Variants in DPP10 observed in about 807,000 individuals in gnomAD.
The protein encoded by DPP10 is inactive dipeptidyl peptidase 10.
A neutral mutation model predicts 120.9 loss-of-function variants in DPP10; 33 were observed. The ratio of observed to expected loss-of-function variants is 0.27; its 90% CI spans 0.21 to 0.37. The LOEUF is 0.37. Ranked by LOEUF, DPP10 falls within the 10% of genes least tolerant of loss-of-function variation. The pLI is 1.00. For synonymous variants in DPP10, 337 were observed against 326.1 expected, an observed-to-expected ratio of 1.03 and a Z score of -0.36; for missense variants, 816 against 942.8, an observed-to-expected ratio of 0.87 and a Z score of 1.76.
intron 19 of DPP10, among the ~76,000 whole-genome samples, chr2:115,810,756 C>T (rs1369038556): frequency 6.6e-6 from 1 of 152,146 alleles, no homozygotes; most frequent in Non-Finnish European, 1.5e-5. Flanking sequence ...TGTATGTCCC[C>T]ACTCTCAACC....
At chr2:114,668,369 A>G (rs999107112) in intron 1 of DPP10, among the ~76,000 whole-genome samples, 1 of 152,104 alleles carries the variant, frequency 6.6e-6, no homozygotes. Flanking sequence ...AGAAAGAGAG[A>G]TCTTCCTCCA....
chr2:115,367,481 C>T (rs1458189068), intron 3 of DPP10, among the ~76,000 whole-genome samples: 2 of 151,994 alleles, frequency 1.3e-5, no homozygotes, highest in South Asian at 2.1e-4. Context: ...GTGACAAATA[C>T]AGCTAACCAG....
At chr2:114,663,658 T>TAGAGAG (rs1385374204) in intron 1 of DPP10, among the ~76,000 whole-genome samples, 60 of 91,220 alleles carry the variant, frequency 6.6e-4, no homozygotes, top group South Asian at 2.5e-3. Flanking sequence ...TATATATATA[T>TAGAGAG]ATATATATAT....
At chr2:115,776,520 G>T (rs577880604) in intron 13 of DPP10, among the ~76,000 whole-genome samples, 3 of 152,140 alleles carry the variant, frequency 2.0e-5, no homozygotes, top group African/African-American at 7.2e-5. Context: ...ATCATTGATG[G>T]GTATTTGGGT....
chr2:115,643,354 G>C (rs2086947307), intron 5 of DPP10, among the ~76,000 whole-genome samples: 1 of 152,156 alleles, frequency 6.6e-6, no homozygotes, highest in Non-Finnish European at 1.5e-5. Context: ...TCAAGTCATT[G>C]TATTTTACAG....
chr2:115,545,746 C>G (rs1297327580), intron 5 of DPP10, among the ~76,000 whole-genome samples: 1 of 152,076 alleles, frequency 6.6e-6, no homozygotes, highest in Non-Finnish European at 1.5e-5. Context: ...TCCTCACTGG[C>G]TCACAAAGAC....
chr2:114,867,110 GC>G (rs752849929), intron 1 of DPP10, among the ~76,000 whole-genome samples: 1 of 152,038 alleles, frequency 6.6e-6, no homozygotes, highest in Non-Finnish European at 1.5e-5. Flanking sequence ...CAAGATCTTT[GC>G]TTACTTCTGG....
intron 5 of DPP10, among the ~76,000 whole-genome samples, chr2:115,582,836 C>T: frequency 6.6e-6 from 1 of 152,262 alleles, no homozygotes; most frequent in East Asian, 1.9e-4. Context: ...CAGTTAATAT[C>T]ACTTATTCTC....
intron 1 of DPP10, among the ~76,000 whole-genome samples, chr2:114,703,091 C>A (rs1388450368): frequency 6.6e-6 from 1 of 151,908 alleles, no homozygotes; most frequent in African/African-American, 2.4e-5. Flanking sequence ...CATTGCATTG[C>A]CGGTGAGATT....
At chr2:115,646,360 C>T (rs1020523168) in intron 5 of DPP10, among the ~76,000 whole-genome samples, 2 of 152,042 alleles carry the variant, frequency 1.3e-5, no homozygotes, top group African/African-American at 4.8e-5. Context: ...TGAATGGGAA[C>T]ACAGCCTGAC....
intron 1 of DPP10, among the ~76,000 whole-genome samples, chr2:114,789,152 G>T (rs1252007871): frequency 2.7e-5 from 3 of 111,456 alleles, no homozygotes; most frequent in African/African-American, 1.1e-4. Context: ...AGACATCTGG[G>T]TTAAGCGCCA....
intron 1 of DPP10, among the ~76,000 whole-genome samples, chr2:114,734,689 T>G (rs917186467): frequency 1.3e-5 from 2 of 152,216 alleles, no homozygotes; most frequent in African/African-American, 4.8e-5. Context: ...TGACTCTTTT[T>G]GTCGGCAAAA....
chr2:114,679,487 G>A (rs1698883495), intron 1 of DPP10, among the ~76,000 whole-genome samples: 1 of 151,892 alleles, frequency 6.6e-6, no homozygotes, highest in Non-Finnish European at 1.5e-5. Flanking sequence ...AATCCAGGAG[G>A]TGAGTTGCCT....
At chr2:114,758,153 T>C (rs562706259) in intron 1 of DPP10, among the ~76,000 whole-genome samples, 26 of 152,352 alleles carry the variant, frequency 1.7e-4, no homozygotes, top group African/African-American at 5.5e-4. Flanking sequence ...CCAAATCTGA[T>C]GATTGCCAGA....
intron 1 of DPP10, among the ~76,000 whole-genome samples, chr2:115,070,664 A>G (rs1449944354): frequency 1.3e-5 from 2 of 152,182 alleles, no homozygotes; most frequent in African/African-American, 4.8e-5. Context: ...TGTACTATAT[A>G]GTATATGATT....
chr2:115,356,110 G>GATGGGAAT (rs1258763236), intron 3 of DPP10, among the ~76,000 whole-genome samples: 7 of 149,644 alleles, frequency 4.7e-5, no homozygotes, highest in African/African-American at 1.7e-4. Context: ...ATGGTAGTTT[G>GATGGGAAT]ATGGGAATAG....
At chr2:114,893,670 T>A (rs187570096) in intron 1 of DPP10, among the ~76,000 whole-genome samples, 1 of 152,306 alleles carries the variant, frequency 6.6e-6, no homozygotes. Flanking sequence ...GTTTGATCTT[T>A]ACTTCATAGA....
At chr2:115,739,716 C>A in intron 8 of DPP10, 23 bp from the exon 9 acceptor site, 1 of 1,610,154 alleles carries the variant, frequency 6.2e-7, no homozygotes, top group South Asian at 1.1e-5. Context: ...CAGTTGGTCT[C>A]AAATAACACT....
At chr2:115,448,414 G>A (rs546181163) in intron 3 of DPP10, among the ~76,000 whole-genome samples, 28 of 152,214 alleles carry the variant, frequency 1.8e-4, no homozygotes, top group Non-Finnish European at 3.1e-4. Flanking sequence ...TTAATGTAGC[G>A]GGAGGTAGAA....
Sources: allele counts gnomAD v4.1 joint callset (sites outside exome capture counted in the v4.1 genomes callset), GRCh38; gene constraint gnomAD v4.1.1; transcripts MANE v1.5; gene names NCBI Gene and HGNC (gene_info 2026-07-23, HGNC 2026-07-21).